Variants in WT1 observed in about 807,000 individuals in gnomAD.
WT1 encodes WT1 transcription factor, also known as Wilms tumor protein.
In WT1, 8 loss-of-function variants were observed where a neutral mutation model predicts 60.8. The observed-to-expected ratio is 0.13, with a 90% CI of 0.08 to 0.24. The LOEUF is 0.24. Among genes scored for constraint, WT1 ranks in the 10% least tolerant of loss-of-function variants. The pLI is 1.00. For missense variants in WT1, 568 were observed against 711.8 expected (o/e 0.80, Z 2.30); for synonymous variants, 312 against 297.1 (o/e 1.05, Z -0.52).
chr11:32,417,794 A>T (rs1439308733), intron 3 of WT1, 140 bp from the exon 4 acceptor site: 2 of 739,536 alleles, frequency 2.7e-6, no homozygotes, highest in Non-Finnish European at 4.7e-6. Flanking sequence ...TGCAAATCTG[A>T]ATTATTTTCA....
intron 5 of WT1, among the ~76,000 whole-genome samples, chr11:32,411,498 T>C (rs5030233): frequency 0.022 from 3,284 of 152,222 alleles, 63 homozygotes; most frequent in Middle Eastern, 0.037. Context: ...CAGGAAAGGG[T>C]CTAAAATTTT....
At chr11:32,428,667 G>T in intron 1 of WT1, 48 bp from the exon 2 acceptor site, 1 of 1,596,180 alleles carries the variant, frequency 6.3e-7, no homozygotes, top group Non-Finnish European at 8.5e-7. Flanking sequence ...GCTCTCGCAA[G>T]ACGGGGCAGT....
chr11:32,389,652 T>C (rs1351008279), intron 9 of WT1, among the ~76,000 whole-genome samples: 2 of 152,220 alleles, frequency 1.3e-5, no homozygotes, highest in South Asian at 4.1e-4. Flanking sequence ...CTGAAGCTTT[T>C]AACACTTCTA....
intron 5 of WT1, 173 bp from the exon 6 acceptor site, chr11:32,400,217 GC>G (rs1164765988): frequency 2.6e-6 from 2 of 765,378 alleles, no homozygotes; most frequent in African/African-American, 3.4e-5. Flanking sequence ...GGAGGGCGAG[GC>G]CCCTGGATCC....
At chr11:32,427,667 T>G (rs1165429114) in intron 3 of WT1, among the ~76,000 whole-genome samples, 1 of 152,180 alleles carries the variant, frequency 6.6e-6, no homozygotes, top group African/African-American at 2.4e-5. Context: ...GAAGGTAAAT[T>G]CCTCCCAGTA....
At position 32,427,156 on chromosome 11, in the gene WT1, C is replaced by T. The variant is rs541130998; in HGVS notation, c.887+800G>A. 2.0e-5 allele frequency among the ~76,000 whole-genome samples: 3 copies of T among 152,342 alleles called. No homozygotes were observed. In the South Asian group the frequency reaches 6.2e-4, roughly 32 times the overall value. On this transcript the variant is annotated intron_variant, in intron 3 of 9. Coordinates refer to ENST00000452863, the MANE Select transcript of WT1 (RefSeq NM_024426.6). ...GCGCTGCTGCTCCCCGGCCCCCGCC[C>T]CAACTTCCAGCCCCGTGCGGGCTGG...
intron 5 of WT1, among the ~76,000 whole-genome samples, chr11:32,413,732 G>A (rs1852575210): frequency 6.6e-6 from 1 of 152,252 alleles, no homozygotes; most frequent in African/African-American, 2.4e-5. Flanking sequence ...TCTATGTTGT[G>A]TGTGTGTATG....
intron 9 of WT1, among the ~76,000 whole-genome samples, chr11:32,390,973 GTTTGTTTTGT>G (rs144448749): frequency 2.0e-5 from 3 of 150,540 alleles, no homozygotes; most frequent in African/African-American, 7.3e-5. Context: ...ATTTTTTTTT[GTTTGTTTTGT>G]TTTGTTTTGT....
intron 1 of WT1, among the ~76,000 whole-genome samples, chr11:32,434,464 G>T (rs1360644343): frequency 1.3e-5 from 2 of 152,248 alleles, no homozygotes; most frequent in African/African-American, 4.8e-5. Context: ...CCCGGCTCTT[G>T]CGAACAGTCA....
At chr11:32,390,629 C>T (rs1851789382) in intron 9 of WT1, among the ~76,000 whole-genome samples, 1 of 152,198 alleles carries the variant, frequency 6.6e-6, no homozygotes, top group African/African-American at 2.4e-5. Flanking sequence ...CCTGGCCTGG[C>T]TCTCACTCTC....
intron 3 of WT1, among the ~76,000 whole-genome samples, chr11:32,424,297 C>A (rs1366595732): frequency 6.6e-6 from 1 of 151,984 alleles, no homozygotes; most frequent in Non-Finnish European, 1.5e-5. Flanking sequence ...AGGATCAAAT[C>A]CTGATTCTGA....
intron 6 of WT1, among the ~76,000 whole-genome samples, chr11:32,398,837 G>A (rs1852053570): frequency 2.0e-5 from 3 of 150,562 alleles, no homozygotes; most frequent in African/African-American, 7.3e-5. Context: ...GCTACATCTA[G>A]TATGATTCCA....
At chr11:32,426,600 C>G (rs1853046343) in intron 3 of WT1, among the ~76,000 whole-genome samples, 1 of 152,072 alleles carries the variant, frequency 6.6e-6, no homozygotes, top group African/African-American at 2.4e-5. Context: ...CATTGGTGTT[C>G]TTGCCCACCG....
chr11:32,391,212 T>C (rs934755826), intron 9 of WT1, among the ~76,000 whole-genome samples: 1 of 150,020 alleles, frequency 6.7e-6, no homozygotes, highest in Non-Finnish European at 1.5e-5. Flanking sequence ...CTTGAACTCC[T>C]GGGCTCAAGT....
intron 6 of WT1, 24 bp downstream of exon 6, chr11:32,399,924 G>C (rs749964980): frequency 6.2e-7 from 1 of 1,611,742 alleles, no homozygotes; most frequent in Non-Finnish European, 8.5e-7. Context: ...CCCCCTTCCC[G>C]CTGGGGCCTG....
chr11:32,401,603 C>T (rs944565351), intron 5 of WT1, among the ~76,000 whole-genome samples: 1 of 151,928 alleles, frequency 6.6e-6, no homozygotes, highest in Non-Finnish European at 1.5e-5. Flanking sequence ...TGCAGTGGTG[C>T]GATCTTGGCT....
At chr11:32,430,575 T>G in intron 1 of WT1, 1 of 1,607,144 alleles carries the variant, frequency 6.2e-7, no homozygotes. Flanking sequence ...CCCAGGGCAC[T>G]GCACAATCCT....
At position 32,392,647 on chromosome 11, in the gene WT1, G is replaced by A. The variant is rs2132918999; in HGVS notation, c.1354+19C>T. On this transcript the variant is annotated intron_variant, in intron 8 of 9. Coordinates refer to ENST00000452863, the MANE Select transcript of WT1 (RefSeq NM_024426.6). ...CCAAGGGAACACAGCTGCCAGCAAT[G>A]AGAAGTGAACCTACAAACCTGTATG... The A allele has an allele frequency of 4.3e-6, 7 of 1,612,284 alleles. No individual in the cohort carries two copies. The highest frequency in any genetic ancestry group is 2.2e-5 in the East Asian group (1 of 44,868).
At chr11:32,405,004 G>A (rs568765120) in intron 5 of WT1, among the ~76,000 whole-genome samples, 21 of 152,068 alleles carry the variant, frequency 1.4e-4, no homozygotes, top group Non-Finnish European at 2.4e-4. Context: ...TGAATTTCCC[G>A]GTTATTGGAT....
Sources: allele counts gnomAD v4.1 joint callset (sites outside exome capture counted in the v4.1 genomes callset), GRCh38; gene constraint gnomAD v4.1.1; transcripts MANE v1.5; gene names NCBI Gene and HGNC (gene_info 2026-07-23, HGNC 2026-07-21).